Variants in DCDC1 observed in about 807,000 individuals in gnomAD.
DCDC1 encodes doublecortin domain containing 1.
DCDC1 carries 200 observed loss-of-function variants against 178.3 expected under a neutral mutation model. The ratio of observed to expected loss-of-function variants is 1.12; its 90% CI spans 1.00 to 1.26. The LOEUF (loss-of-function observed/expected upper bound fraction) is 1.26, where lower values mean the gene tolerates loss of function less well. Ranked by LOEUF, DCDC1 falls within the 50% of genes most tolerant of loss-of-function variation. DCDC1 has a pLI of 0.00. For synonymous variants in DCDC1, 690 were observed against 604.8 expected (o/e 1.14, Z -2.07); for missense variants, 1,983 against 1,749.2 (o/e 1.13, Z -2.38).
At chr11:31,041,719 T>A (rs955506933) in intron 20 of DCDC1, among the ~76,000 whole-genome samples, 4 of 152,170 alleles carry the variant, frequency 2.6e-5, no homozygotes, top group Admixed American at 6.5e-5. Flanking sequence ...AAGGGGCAAC[T>A]GAAACACAAG....
At chr11:31,016,780 T>G (rs1480818861) in intron 20 of DCDC1, among the ~76,000 whole-genome samples, 7 of 152,144 alleles carry the variant, frequency 4.6e-5, no homozygotes, top group African/African-American at 1.7e-4. Context: ...CCCCAGAGAT[T>G]GTGTTTTACT....
intron 20 of DCDC1, among the ~76,000 whole-genome samples, chr11:31,062,818 T>A (rs1273178736): frequency 2.6e-5 from 4 of 151,932 alleles, no homozygotes; most frequent in Admixed American, 6.6e-5. Context: ...TATTATACTT[T>A]AAGTTTTAGG....
At chr11:30,979,504 C>T (rs769939234) in intron 20 of DCDC1, among the ~76,000 whole-genome samples, 1 of 152,194 alleles carries the variant, frequency 6.6e-6, no homozygotes, top group East Asian at 1.9e-4. Context: ...TTTTACTTCT[C>T]ATTACAGTGA....
At chr11:31,289,771 A>G (rs1437856699) in intron 7 of DCDC1, among the ~76,000 whole-genome samples, 2 of 151,984 alleles carry the variant, frequency 1.3e-5, no homozygotes, top group Admixed American at 6.6e-5. Flanking sequence ...CAGCAACTCT[A>G]TGAAGTAGGC....
intron 36 of DCDC1, 119 bp from the exon 37 acceptor site, chr11:30,881,427 T>C (rs943794357): frequency 7.9e-7 from 1 of 1,267,576 alleles, no homozygotes; most frequent in South Asian, 1.5e-5. Context: ...CCACTGATAG[T>C]TGTTAGACAT....
In DCDC1 at chr11:30,949,793, G is replaced by A. The variant is rs529602806; in HGVS notation, c.2715+2652C>T. ...CACCGTATGTTCTCACTCATAAGTG[G>A]GAGTTGAACAATGAGAACAGATGGA... On this transcript the variant is annotated intron_variant, in intron 21 of 38. Transcript: ENST00000684477. Among the ~76,000 whole-genome samples the A allele has an allele frequency of 4.0e-5, 6 of 151,418 alleles. No homozygotes were observed. In the East Asian group the frequency reaches 1.2e-3, roughly 29 times the overall value.
chr11:31,242,636 G>A (rs1284451333), intron 8 of DCDC1, among the ~76,000 whole-genome samples: 3 of 151,810 alleles, frequency 2.0e-5, no homozygotes, highest in African/African-American at 7.3e-5. Flanking sequence ...AAGAAAATAG[G>A]TCCGGCAAAG....
chr11:31,282,032 G>A (rs1240309282), intron 7 of DCDC1, among the ~76,000 whole-genome samples: 1 of 152,054 alleles, frequency 6.6e-6, no homozygotes, highest in Non-Finnish European at 1.5e-5. Context: ...TCTATGATTA[G>A]GAGGATATTG....
At chr11:30,995,322 A>G (rs1951200394) in intron 20 of DCDC1, among the ~76,000 whole-genome samples, 1 of 152,186 alleles carries the variant, frequency 6.6e-6, no homozygotes, top group South Asian at 2.1e-4. Flanking sequence ...TAAGATATTA[A>G]TGACAATTAT....
At chr11:31,340,060 AC>A (rs1474139344) in intron 1 of DCDC1, among the ~76,000 whole-genome samples, 8 of 152,340 alleles carry the variant, frequency 5.3e-5, no homozygotes, top group African/African-American at 1.9e-4. Flanking sequence ...TCAAGGAAGA[AC>A]AAAAAGCATT....
At chr11:31,322,869 T>C (rs1267664298) in intron 3 of DCDC1, among the ~76,000 whole-genome samples, 1 of 152,354 alleles carries the variant, frequency 6.6e-6, no homozygotes, top group East Asian at 1.9e-4. Context: ...TTTCCACTGA[T>C]AGTGGCCTAA....
chr11:31,175,944 C>T (rs551940112), intron 9 of DCDC1, among the ~76,000 whole-genome samples: 2 of 152,294 alleles, frequency 1.3e-5, no homozygotes, highest in African/African-American at 4.8e-5. Context: ...GAAAAGACAA[C>T]TATCCCACTA....
At chr11:30,942,556 T>C (rs1947726537) in intron 21 of DCDC1, among the ~76,000 whole-genome samples, 1 of 152,198 alleles carries the variant, frequency 6.6e-6, no homozygotes, top group African/African-American at 2.4e-5. Context: ...CTGTGATACA[T>C]GTCGATTCAT....
intron 32 of DCDC1, among the ~76,000 whole-genome samples, chr11:30,901,697 G>A (rs1191481453): frequency 6.6e-6 from 1 of 151,990 alleles, no homozygotes; most frequent in Non-Finnish European, 1.5e-5. Flanking sequence ...ACTCCAACCA[G>A]GCTTTAAATA....
At chr11:31,127,667 TAGCGAGA>T in intron 10 of DCDC1, 28 bp from the exon 11 acceptor site, 1 of 697,404 alleles carries the variant, frequency 1.4e-6, no homozygotes, top group Non-Finnish European at 2.6e-6. Flanking sequence ...CAAGAGTTGT[TAGCGAGA>T]AGTAATTGTT....
At chr11:30,973,350 C>A (rs768568387) in intron 20 of DCDC1, among the ~76,000 whole-genome samples, 7 of 151,970 alleles carry the variant, frequency 4.6e-5, no homozygotes, top group Non-Finnish European at 8.8e-5. Context: ...TACTGGCTCC[C>A]TATTTGTCTT....
At position 30,888,098 on chromosome 11, in the gene DCDC1, AAAAGAAAGAAAGAAAG is replaced by A. The variant is rs59770180; in HGVS notation, c.5082+4704_5082+4719del. On this transcript the variant is annotated intron_variant, in intron 36 of 38. Coordinates refer to ENST00000684477, the MANE Select transcript of DCDC1 (RefSeq NM_001387274.1). The stretch of plus-strand genomic sequence containing the variant: ...AGAGAGAGAGAGAAAGAAAGAAAGA[AAAAGAAAGAAAGAAAG>A]AAAGAAAGAAAGAAAGAAAGAAAGA... 8.3e-3 allele frequency among the ~76,000 whole-genome samples: 876 copies of A among 105,454 alleles called. 8 individuals carry two copies. Among genetic ancestry groups the A allele is most frequent in the South Asian group, 0.012 (34 of 2,900 alleles). The allele number at this position is 105,454 out of a possible 152,430, so 69.2% of individuals were successfully genotyped here. A position where few individuals can be genotyped will look rare whatever the true frequency, so the allele number is the denominator to read the frequency against.
chr11:31,291,350 G>C (rs2774402), intron 6 of DCDC1, among the ~76,000 whole-genome samples: 102,168 of 151,792 alleles, frequency 0.67, 35,076 homozygotes, highest in African/African-American at 0.79. Context: ...CTTCTCCTGT[G>C]ACTAGAAGGA....
At chr11:31,102,990 TG>T (rs1430877577) in intron 14 of DCDC1, among the ~76,000 whole-genome samples, 10 of 152,272 alleles carry the variant, frequency 6.6e-5, no homozygotes, top group African/African-American at 1.9e-4. Flanking sequence ...CTCTGAGAAA[TG>T]GAGTAAGAGT....
Sources: allele counts gnomAD v4.1 joint callset (sites outside exome capture counted in the v4.1 genomes callset), GRCh38; gene constraint gnomAD v4.1.1; transcripts MANE v1.5; gene names NCBI Gene and HGNC (gene_info 2026-07-23, HGNC 2026-07-21).